ZNF331: variants seen among roughly 807,000 people sequenced by gnomAD.
ZNF331 encodes zinc finger protein 331, also known as C2H2-like zinc finger protein rearranged in thyroid adenomas.
In ZNF331, 2 loss-of-function variants were observed where a neutral mutation model predicts 7.0. That is an observed-to-expected ratio of 0.29 (90% CI 0.12 to 0.90). ZNF331 has a LOEUF of 0.90. Ranked by LOEUF, ZNF331 falls within the 40% of genes least tolerant of loss-of-function variation. ZNF331 has a pLI of 0.58. For missense variants in ZNF331, 432 were observed against 587.7 expected, an observed-to-expected ratio of 0.74 and a Z score of 2.74; for synonymous variants, 196 against 205.4, an observed-to-expected ratio of 0.95 and a Z score of 0.39.
intron 2 of ZNF331, among the ~76,000 whole-genome samples, chr19:53,543,684 C>T (rs2088346100): frequency 6.6e-6 from 1 of 152,184 alleles, no homozygotes; most frequent in Non-Finnish European, 1.5e-5. Flanking sequence ...ACTTCTATTA[C>T]ACAAATGTCA....
At chr19:53,514,529 G>C (rs1222770868), upstream of ZNF331, among the ~76,000 whole-genome samples, 1 of 152,020 alleles carries the variant, frequency 6.6e-6, no homozygotes, top group Non-Finnish European at 1.5e-5. Context: ...ATAACTTTTT[G>C]CTCTTGGCAC....
intron 5 of ZNF331, among the ~76,000 whole-genome samples, chr19:53,572,660 T>TTA (rs1480310618): frequency 2.7e-5 from 4 of 147,708 alleles, no homozygotes; most frequent in Admixed American, 2.0e-4. Flanking sequence ...ATAGTATATA[T>TTA]TATATATATA....
chr19:53,570,371 G>C (rs2090382748), intron 4 of ZNF331, among the ~76,000 whole-genome samples: 1 of 152,026 alleles, frequency 6.6e-6, no homozygotes, highest in Non-Finnish European at 1.5e-5. Flanking sequence ...CAGAATCGGA[G>C]AAAGCCTTAG....
At chr19:53,523,652 C>T (rs1277491086) in intron 2 of ZNF331, 1 of 152,096 alleles carries the variant, frequency 6.6e-6, no homozygotes, top group East Asian at 1.9e-4. Flanking sequence ...GTTCTGTCTT[C>T]ACTCTGTTGA....
At chr19:53,551,149 G>A (rs2088982867) in intron 2 of ZNF331, among the ~76,000 whole-genome samples, 1 of 151,996 alleles carries the variant, frequency 6.6e-6, no homozygotes, top group Admixed American at 6.6e-5. Context: ...TTTAAAATTA[G>A]GACTCCCTTA....
At chr19:53,546,140 G>GAAAAAAAAAAAAAAAAAAA (rs527391326) in intron 2 of ZNF331, among the ~76,000 whole-genome samples, 3,787 of 112,552 alleles carry the variant, frequency 0.034, 206 homozygotes, top group Non-Finnish European at 0.053. Context: ...TCCTGAGGGG[G>GAAAAAAAAAAAAAAAAAAA]AAAAAAAAAA....
intron 2 of ZNF331, among the ~76,000 whole-genome samples, chr19:53,551,749 A>G (rs1456504604): frequency 6.6e-6 from 1 of 152,216 alleles, no homozygotes; most frequent in Non-Finnish European, 1.5e-5. Flanking sequence ...ACCATACAGT[A>G]TGAAAATTAT....
intron 2 of ZNF331, among the ~76,000 whole-genome samples, chr19:53,532,570 C>T (rs1470781177): frequency 6.6e-6 from 1 of 152,168 alleles, no homozygotes; most frequent in Non-Finnish European, 1.5e-5. Context: ...ATTCCTTCCT[C>T]TACAACTTTT....
At chr19:53,523,126 AT>A (rs2087150740) in intron 2 of ZNF331, 1 of 152,112 alleles carries the variant, frequency 6.6e-6, no homozygotes, top group Non-Finnish European at 1.5e-5. Flanking sequence ...AGATGATTAA[AT>A]CAGGCTGATG....
intron 3 of ZNF331, among the ~76,000 whole-genome samples, chr19:53,562,667 G>A (rs2089950494): frequency 1.3e-5 from 2 of 151,678 alleles, no homozygotes; most frequent in African/African-American, 2.4e-5. Context: ...TCCAGCCTGG[G>A]CAACAAGAGC....
chr19:53,570,935 C>G (rs2090417550), intron 4 of ZNF331, among the ~76,000 whole-genome samples: 2 of 151,418 alleles, frequency 1.3e-5, no homozygotes, highest in East Asian at 1.9e-4. Context: ...CCGCTCACTG[C>G]AAGCTCTGAC....
At chr19:53,570,249 C>CTT (rs1405382911) in intron 4 of ZNF331, among the ~76,000 whole-genome samples, 1 of 63,618 alleles carries the variant, frequency 1.6e-5, no homozygotes, top group Admixed American at 1.9e-4. Flanking sequence ...GAGCAAGACT[C>CTT]TGTCTCAAAA....
At chr19:53,546,796 A>G (rs533234072) in intron 2 of ZNF331, among the ~76,000 whole-genome samples, 1 of 152,314 alleles carries the variant, frequency 6.6e-6, no homozygotes, top group East Asian at 1.9e-4. Flanking sequence ...AAAGGCAGAG[A>G]TGTTTTTCAA....
the ZNF331 span, among the ~76,000 whole-genome samples, chr19:53,506,285 A>G: frequency 3.8e-5 from 4 of 106,540 alleles, no homozygotes; most frequent in African/African-American, 7.7e-5. Flanking sequence ...CAGTGAGCGG[A>G]GATCGCGCCA....
At chr19:53,513,771 T>C in the ZNF331 span, among the ~76,000 whole-genome samples, 119 of 152,218 alleles carry the variant, frequency 7.8e-4, no homozygotes, top group African/African-American at 1.9e-3. Flanking sequence ...CCGCCACACC[T>C]GGCTAATTTT....
At chr19:53,570,280 G>A (rs1041322744) in intron 4 of ZNF331, among the ~76,000 whole-genome samples, 1 of 146,266 alleles carries the variant, frequency 6.8e-6, no homozygotes, top group Admixed American at 6.8e-5. Flanking sequence ...AAAAAAATCA[G>A]GAACGGGGGA....
the ZNF331 span, among the ~76,000 whole-genome samples, chr19:53,505,627 A>C: frequency 6.6e-6 from 1 of 152,152 alleles, no homozygotes; most frequent in Non-Finnish European, 1.5e-5. Context: ...TGTGGCTGCA[A>C]ACAGGCAGAA....
At position 53,560,256 on chromosome 19, in the gene ZNF331, G is replaced by A. The variant is rs770291087; in HGVS notation, c.-74+4348G>A. 7.0e-6 allele frequency among the ~76,000 whole-genome samples: 1 copy of A among 142,918 alleles called. No individual in the cohort carries two copies. The allele number at this position is 142,918 out of a possible 152,430, so 93.8% of individuals were successfully genotyped here. On this transcript the variant is annotated intron_variant, in intron 3 of 5. Transcript: ENST00000449416. This position sits in a 1 kb window ranked among gnomAD's most constrained non-coding sequence, Gnocchi z 4.3. ...TCCACACCATATATACACACACCAT[G>A]CACCCACATATATACACACACCATA...
Position 53,577,536 on chromosome 19 carries a change from C to T in ZNF331, c.976C>T (p.Pro326Ser). The T allele has an allele frequency of 6.2e-7, 1 of 1,612,844 alleles. No homozygotes were observed. Among genetic ancestry groups the T allele is most frequent in the Middle Eastern group, 1.7e-4 (1 of 6,056 alleles). Residue 326 changes from proline to serine, a missense_variant, in exon 6 of 6, where the codon CCT becomes TCT. Coordinates refer to ENST00000449416, the MANE Select transcript of ZNF331 (RefSeq NM_001079906.2). Reference sequence around the variant, plus strand: ...TCAGAAGATCCACACCGGTGAGAAGCCTCACGAATGTAAGGAGTGTGGGAA... The same window carrying T: ...TCAGAAGATCCACACCGGTGAGAAGTCTCACGAATGTAAGGAGTGTGGGAA... ...QHQKIHTGEK[P>S]HECKECGKAF...
Sources: allele counts gnomAD v4.1 joint callset (sites outside exome capture counted in the v4.1 genomes callset), GRCh38; gene constraint gnomAD v4.1.1; non-coding constraint Gnocchi (gnomAD v3.1); transcripts MANE v1.5; gene names NCBI Gene and HGNC (gene_info 2026-07-23, HGNC 2026-07-21).